The following PAFAH2 variants were observed in gnomAD, a reference collection of about 807,000 sequenced individuals.
The protein encoded by PAFAH2 is platelet activating factor acetylhydrolase 2, also known as platelet-activating factor acetylhydrolase 2, cytoplasmic.
In PAFAH2, 42 loss-of-function variants were observed where a neutral mutation model predicts 49.0. The ratio of observed to expected loss-of-function variants is 0.86; its 90% confidence interval spans 0.67 to 1.11. PAFAH2 has a LOEUF of 1.11. PAFAH2 is among the 50% of genes least tolerant of loss of function. The pLI is 0.00. For missense variants in PAFAH2, 503 were observed against 501.8 expected, an observed-to-expected ratio of 1.00 and a Z score of -0.02; for synonymous variants, 184 against 181.3, an observed-to-expected ratio of 1.01 and a Z score of -0.12.
chr1:25,962,008 T>A lies in PAFAH2; in HGVS notation c.1160A>T (p.His387Leu). The A allele has an allele frequency of 6.2e-7, 1 of 1,613,744 alleles. No individual in the cohort carries two copies. Among genetic ancestry groups the A allele is most frequent in the Non-Finnish European group, 8.5e-7 (1 of 1,179,884 alleles). Residue 387 changes from histidine (H) to leucine (L), a missense_variant, in exon 11 of 11, where the codon CAC becomes CTC. His to Leu is a moderately conservative substitution (Grantham distance 99). Coordinates refer to ENST00000374282, the MANE Select transcript of PAFAH2 (RefSeq NM_000437.4). ...IGPSLTPGAP[H>L]HLSSL ...TTGTGCCTACAGGCTGGACAGATGG[T>A]GGGGGGCCCCTGGGGTGAGCGACGG... is the stretch of plus-strand genomic sequence containing the variant.
Position 25,982,248 on chromosome 1 carries a change from A to G in PAFAH2, c.666+116T>C, listed in dbSNP as rs2049700695. ...AAAGTTGGCCTTTGATCTTCTTGAT[A>G]GTTATATGAGCCAATCAATTCTCTT... On this transcript the variant is annotated intron_variant, in intron 7 of 10. Coordinates refer to ENST00000374282, the MANE Select transcript of PAFAH2 (RefSeq NM_000437.4). 7 of 733,416 alleles carry G rather than the reference A, an allele frequency of 9.5e-6. No homozygotes were observed. The South Asian group carries it at 1.0e-4, about 10-fold the overall frequency. The allele number at this position is 733,416 out of a possible 1,614,324, so 45.4% of individuals were successfully genotyped here. A position where few individuals can be genotyped will look rare whatever the true frequency, so the allele number is the denominator to read the frequency against.
At chr1:25,968,185 T>TA (rs1557513442) in intron 10 of PAFAH2, among the ~76,000 whole-genome samples, 1 of 151,262 alleles carries the variant, frequency 6.6e-6, no homozygotes, top group Non-Finnish European at 1.5e-5. Context: ...AATAAATAAA[T>TA]AAATAAAATA....
chr1:25,982,499 T>G, intron 6 of PAFAH2, 22 bp from the exon 7 acceptor site: 2 of 1,554,808 alleles, frequency 1.3e-6, no homozygotes, highest in Non-Finnish European at 1.8e-6. Context: ...ACAGTCCCAG[T>G]GGGACTGGAA....
intron 10 of PAFAH2, among the ~76,000 whole-genome samples, chr1:25,962,339 T>C (rs191460166): frequency 1.1e-3 from 162 of 152,352 alleles, no homozygotes; most frequent in African/African-American, 3.7e-3. Context: ...GATGGAGAAT[T>C]CATTCTAAGG....
At chr1:25,971,599 C>G (rs1055510704) in intron 10 of PAFAH2, among the ~76,000 whole-genome samples, 1 of 152,128 alleles carries the variant, frequency 6.6e-6, no homozygotes, top group Non-Finnish European at 1.5e-5. Flanking sequence ...ACCCATGAGA[C>G]AGACGGAAAG....
chr1:25,981,049 C>A (rs568709655), intron 7 of PAFAH2, among the ~76,000 whole-genome samples: 1 of 151,936 alleles, frequency 6.6e-6, no homozygotes, highest in Admixed American at 6.6e-5. Flanking sequence ...ATTGCTTGAG[C>A]CTAAGAGTTT....
chr1:25,989,315 C>T (rs2049836991), intron 3 of PAFAH2, 133 bp downstream of exon 3: 4 of 746,866 alleles, frequency 5.4e-6, no homozygotes, highest in Non-Finnish European at 8.0e-6. Flanking sequence ...ACTCTCCATA[C>T]CACACTGGCT....
chr1:25,982,577 AC>A, intron 6 of PAFAH2, 100 bp from the exon 7 acceptor site: 1 of 893,460 alleles, frequency 1.1e-6, no homozygotes. Context: ...CAGATAGTCT[AC>A]CCACCCACGC....
At chr1:25,974,753 G>A in intron 8 of PAFAH2, 103 bp from the exon 9 acceptor site, 1 of 1,096,660 alleles carries the variant, frequency 9.1e-7, no homozygotes, top group Non-Finnish European at 1.3e-6. Context: ...TGGGGTAAAG[G>A]CTCAGAAAGC....
At chr1:25,982,510 C>T (rs749027678) in intron 6 of PAFAH2, 33 bp from the exon 7 acceptor site, 9 of 1,468,074 alleles carry the variant, frequency 6.1e-6, no homozygotes, top group Non-Finnish European at 8.6e-6. Flanking sequence ...GGGACTGGAA[C>T]ACTCCACAAC....
chr1:25,985,909 C>G (rs928173582), intron 4 of PAFAH2, among the ~76,000 whole-genome samples: 4 of 152,232 alleles, frequency 2.6e-5, no homozygotes, highest in Non-Finnish European at 5.9e-5. Flanking sequence ...TGGCACAGAG[C>G]AGGTGCTCCA....
At chr1:25,967,915 C>T (rs1316815950) in intron 10 of PAFAH2, among the ~76,000 whole-genome samples, 2 of 152,118 alleles carry the variant, frequency 1.3e-5, no homozygotes, top group East Asian at 1.9e-4. Flanking sequence ...CCTGTAATCC[C>T]AGCACTTTGG....
At chr1:25,970,929 C>T (rs553810325) in intron 10 of PAFAH2, among the ~76,000 whole-genome samples, 1 of 152,090 alleles carries the variant, frequency 6.6e-6, no homozygotes, top group Non-Finnish European at 1.5e-5. Context: ...AAAACAGCGA[C>T]TCCAAAGGAA....
At chr1:25,977,158 G>A (rs2049605229) in intron 7 of PAFAH2, among the ~76,000 whole-genome samples, 1 of 150,762 alleles carries the variant, frequency 6.6e-6, no homozygotes. Context: ...GAGTAGCTGG[G>A]ACTACAGGCG....
At chr1:25,967,607 C>T (rs936386963) in intron 10 of PAFAH2, among the ~76,000 whole-genome samples, 2 of 152,114 alleles carry the variant, frequency 1.3e-5, no homozygotes, top group African/African-American at 4.8e-5. Flanking sequence ...ACTACTGGAG[C>T]TAGCATTGTG....
intron 6 of PAFAH2, 117 bp from the exon 7 acceptor site, chr1:25,982,594 C>T: frequency 1.4e-6 from 1 of 733,818 alleles, no homozygotes; most frequent in Non-Finnish European, 2.3e-6. Flanking sequence ...CACGCCTCAG[C>T]AAGCACCTTG....
intron 2 of PAFAH2, 29 bp from the exon 3 acceptor site, chr1:25,989,630 G>A (rs964830708): frequency 7.5e-6 from 11 of 1,458,454 alleles, no homozygotes; most frequent in Non-Finnish European, 8.2e-6. Flanking sequence ...CAGCTGCTCA[G>A]AGCAAGGAGC....
In PAFAH2 at chr1:25,960,668, G is replaced by C. The variant is rs564955655; in HGVS notation, c.*1321C>G. On this transcript the variant is annotated 3_prime_UTR_variant, in exon 11 of 11. Transcript: ENST00000374282. Reference sequence around the variant, plus strand: ...GCAAGGGCCTCAGAGCCAGAAAACAGACAATAAAAGCACCCTGATTCTGAG... The same window carrying C: ...GCAAGGGCCTCAGAGCCAGAAAACACACAATAAAAGCACCCTGATTCTGAG... 6.5e-6 allele frequency: 1 copy of C among 152,688 alleles called. No individual in the cohort carries two copies. Among genetic ancestry groups the C allele is most frequent in the South Asian group, 2.1e-4 (1 of 4,830 alleles). The allele number at this position is 152,688 out of a possible 1,614,324, so 9.5% of individuals were successfully genotyped here. A position where few individuals can be genotyped will look rare whatever the true frequency, so the allele number is the denominator to read the frequency against.
chr1:25,980,161 A>G (rs1392823998), intron 7 of PAFAH2, among the ~76,000 whole-genome samples: 1 of 152,216 alleles, frequency 6.6e-6, no homozygotes, highest in Non-Finnish European at 1.5e-5. Flanking sequence ...AAAAGCCCCA[A>G]TTTCATGTTT....
Sources: gnomAD v4.1 joint callset for allele counts (sites outside exome capture counted in the v4.1 genomes callset) on GRCh38, gnomAD v4.1.1 for gene constraint, MANE v1.5 for transcripts, NCBI Gene and HGNC (gene_info 2026-07-23, HGNC 2026-07-21) for gene names.